KCNH7: variants seen among roughly 807,000 people sequenced by gnomAD.
KCNH7 encodes the protein potassium voltage-gated channel subfamily H member 7, also known as voltage-gated inwardly rectifying potassium channel KCNH7.
A neutral mutation model predicts 120.8 loss-of-function variants in KCNH7; 49 were observed. The observed-to-expected ratio is 0.41, with a 90% CI of 0.32 to 0.51. The LOEUF (loss-of-function observed/expected upper bound fraction) is 0.51. Ranked by LOEUF, KCNH7 falls within the 20% of genes least tolerant of loss-of-function variation. The probability of loss-of-function intolerance (pLI) is 0.38; values close to 1 mark genes in which losing one functional copy is unlikely to be tolerated. For synonymous variants in KCNH7, 547 were observed against 516.1 expected, an observed-to-expected ratio of 1.06 and a Z score of -0.81; for missense variants, 1,097 against 1,446.6, an observed-to-expected ratio of 0.76 and a Z score of 3.92.
At chr2:162,423,585 T>C (rs1687770036) in intron 8 of KCNH7, 50 bp from the exon 9 acceptor site, 1 of 1,490,482 alleles carries the variant, frequency 6.7e-7, no homozygotes, top group Non-Finnish European at 9.2e-7. Context: ...CATAGGTGTG[T>C]TATATATTGT....
At chr2:162,497,819 C>G (rs534018889) in intron 6 of KCNH7, among the ~76,000 whole-genome samples, 1 of 151,980 alleles carries the variant, frequency 6.6e-6, no homozygotes, top group South Asian at 2.1e-4. Context: ...ACCACTGAGC[C>G]TGGCACATAT....
At chr2:162,708,376 GAA>G (rs1452591509) in intron 2 of KCNH7, among the ~76,000 whole-genome samples, 1 of 151,824 alleles carries the variant, frequency 6.6e-6, no homozygotes. Context: ...ACTAGAGAAA[GAA>G]AAAAGAATTT....
rs182699982 is a variant in KCNH7, at chr2:162,772,890, A to G, written c.307+63647T>C. 6.2e-4 allele frequency among the ~76,000 whole-genome samples: 95 copies of G among 152,306 alleles called. 1 individual carries two copies. The highest frequency in any genetic ancestry group is 2.3e-3 in the African/African-American group (94 of 41,584). ...TAGACATATATAACTCAGAGAAGAA[A>G]AACAAAAAGGTCTAGTTTCCACTTT... On this transcript the variant is annotated intron_variant, in intron 2 of 15. Transcript: ENST00000332142.
chr2:162,807,832 G>A (rs1293674915), intron 2 of KCNH7, among the ~76,000 whole-genome samples: 2 of 151,894 alleles, frequency 1.3e-5, no homozygotes, highest in Non-Finnish European at 2.9e-5. Flanking sequence ...ACAGGCATGC[G>A]CCACCACACC....
At chr2:162,755,093 C>T (rs535305389) in intron 2 of KCNH7, among the ~76,000 whole-genome samples, 1 of 152,064 alleles carries the variant, frequency 6.6e-6, no homozygotes, top group Non-Finnish European at 1.5e-5. Context: ...AAAATTAACA[C>T]TTTTTCCAAA....
At chr2:162,834,759 C>T (rs1393498347) in intron 2 of KCNH7, among the ~76,000 whole-genome samples, 8 of 152,066 alleles carry the variant, frequency 5.3e-5, no homozygotes, top group Non-Finnish European at 7.4e-5. Flanking sequence ...AACATCATCA[C>T]GCCACTTGCG....
At chr2:162,792,815 C>T (rs1327455441) in intron 2 of KCNH7, among the ~76,000 whole-genome samples, 2 of 141,428 alleles carry the variant, frequency 1.4e-5, no homozygotes, top group East Asian at 4.3e-4. Flanking sequence ...GTGTCTCAAT[C>T]TCCTTCAGTT....
intron 2 of KCNH7, among the ~76,000 whole-genome samples, chr2:162,657,413 T>C (rs1055986979): frequency 2.6e-5 from 4 of 152,208 alleles, no homozygotes; most frequent in African/African-American, 9.6e-5. Flanking sequence ...TCTCACAGTA[T>C]GTAACCTTTT....
Position 162,753,339 on chromosome 2 carries a change from A to T in KCNH7, c.307+83198T>A, listed in dbSNP as rs139983778. On this transcript the variant is annotated intron_variant, in intron 2 of 15. Transcript: ENST00000332142. ...TTCAATCTCCTACAGAAATGGACACATACACAATTTTGTCATAATTATTTT... is the reference window on the plus strand; with the variant it reads ...TTCAATCTCCTACAGAAATGGACACTTACACAATTTTGTCATAATTATTTT... Among the ~76,000 whole-genome samples, 918 of 152,268 alleles carry T rather than the reference A, an allele frequency of 6.0e-3. 12 individuals are homozygous for T. Among genetic ancestry groups the T allele is most frequent in the African/African-American group, 0.021 (860 of 41,582 alleles).
At chr2:162,605,808 A>G (rs755993455) in intron 2 of KCNH7, among the ~76,000 whole-genome samples, 7 of 152,026 alleles carry the variant, frequency 4.6e-5, no homozygotes, top group South Asian at 2.1e-4. Context: ...CACTGTCTCT[A>G]TTATTGAGCT....
chr2:162,540,986 G>A (rs1477867441), intron 2 of KCNH7, among the ~76,000 whole-genome samples: 2 of 152,002 alleles, frequency 1.3e-5, no homozygotes, highest in Non-Finnish European at 2.9e-5. Context: ...CTGATACATT[G>A]GATGGGACAT....
intron 2 of KCNH7, among the ~76,000 whole-genome samples, chr2:162,550,021 G>A (rs1692614566): frequency 6.6e-6 from 1 of 152,192 alleles, no homozygotes; most frequent in South Asian, 2.1e-4. Flanking sequence ...TGGAGTATAT[G>A]GAAGGCTTCC....
chr2:162,680,240 G>C (rs1316472727), intron 2 of KCNH7, among the ~76,000 whole-genome samples: 1 of 151,642 alleles, frequency 6.6e-6, no homozygotes, highest in Non-Finnish European at 1.5e-5. Flanking sequence ...TTTCACCTGA[G>C]TCAAAGCAGT....
intron 2 of KCNH7, among the ~76,000 whole-genome samples, chr2:162,722,692 C>A (rs1289435478): frequency 6.6e-6 from 1 of 151,762 alleles, no homozygotes; most frequent in Non-Finnish European, 1.5e-5. Context: ...AAGTTTTTGG[C>A]CCTTTCTTTC....
At position 162,523,859 on chromosome 2, in the gene KCNH7, C is replaced by T. The variant is rs375298145; in HGVS notation, c.464-5701G>A. Among the ~76,000 whole-genome samples the T allele has an allele frequency of 5.3e-4, 81 of 151,930 alleles. 4 individuals carry two copies. The South Asian group carries it at 5.8e-3, about 11-fold the overall frequency. Reference sequence around the variant, plus strand: ...TATGTCATATTTTTACTGCAAAAACCCAATTAAATATAATTAGAAGCAGTT... The same window carrying T: ...TATGTCATATTTTTACTGCAAAAACTCAATTAAATATAATTAGAAGCAGTT... On this transcript the variant is annotated intron_variant, in intron 3 of 15. Transcript: ENST00000332142.
chr2:162,630,431 C>A (rs1477304735), intron 2 of KCNH7, among the ~76,000 whole-genome samples: 2 of 150,748 alleles, frequency 1.3e-5, no homozygotes, highest in Non-Finnish European at 3.0e-5. Context: ...CATCTACAAC[C>A]AATAGATGCG....
intron 2 of KCNH7, among the ~76,000 whole-genome samples, chr2:162,752,866 A>T (rs1688605708): frequency 6.9e-6 from 1 of 145,744 alleles, no homozygotes; most frequent in South Asian, 2.2e-4. Flanking sequence ...GCGCCATTGC[A>T]CTCCAGCCTG....
chr2:162,546,570 C>T (rs1692485854), intron 2 of KCNH7, among the ~76,000 whole-genome samples: 1 of 152,038 alleles, frequency 6.6e-6, no homozygotes, highest in Non-Finnish European at 1.5e-5. Context: ...ACAGCCACCC[C>T]GTGTGGATGT....
chr2:162,780,820 T>G (rs569457073), intron 2 of KCNH7, among the ~76,000 whole-genome samples: 18 of 152,234 alleles, frequency 1.2e-4, no homozygotes, highest in Admixed American at 4.6e-4. Context: ...TAAACAAAAA[T>G]TACTCAATTC....
Sources: allele counts gnomAD v4.1 joint callset (sites outside exome capture counted in the v4.1 genomes callset), GRCh38; gene constraint gnomAD v4.1.1; transcripts MANE v1.5; gene names NCBI Gene and HGNC (gene_info 2026-07-23, HGNC 2026-07-21).